GHR: variants seen among roughly 807,000 people sequenced by gnomAD.
GHR encodes GH receptor.
A neutral mutation model predicts 67.1 loss-of-function variants in GHR; 35 were observed. That is an observed-to-expected ratio of 0.52 (90% confidence interval 0.40 to 0.69). The LOEUF is 0.69. GHR is among the 30% of genes least tolerant of loss of function. GHR has a pLI of 0.00. For synonymous variants in GHR, 272 were observed against 269.1 expected (o/e 1.01, Z -0.10); for missense variants, 792 against 764.6 (o/e 1.04, Z -0.42).
At chr5:42,539,565 G>C (rs1274982340) in intron 1 of GHR, among the ~76,000 whole-genome samples, 1 of 152,126 alleles carries the variant, frequency 6.6e-6, no homozygotes, top group African/African-American at 2.4e-5. Context: ...CAGTATTTGG[G>C]GTGTCTCCTG....
At chr5:42,672,943 G>C (rs546457557) in intron 3 of GHR, among the ~76,000 whole-genome samples, 1 of 152,230 alleles carries the variant, frequency 6.6e-6, no homozygotes, top group South Asian at 2.1e-4. Flanking sequence ...GAAGCTCTTA[G>C]TTTAAGAAAA....
chr5:42,481,079 C>A (rs1579788352), intron 1 of GHR, among the ~76,000 whole-genome samples: 1 of 152,056 alleles, frequency 6.6e-6, no homozygotes, highest in East Asian at 1.9e-4. Flanking sequence ...TTAGGGCAGG[C>A]CTGGTGGTGA....
At chr5:42,597,089 G>A (rs1752108523) in intron 2 of GHR, among the ~76,000 whole-genome samples, 1 of 152,138 alleles carries the variant, frequency 6.6e-6, no homozygotes, top group Admixed American at 6.5e-5. Context: ...GTTTAACAGT[G>A]GTGGGTGGAA....
intron 6 of GHR, among the ~76,000 whole-genome samples, chr5:42,710,154 A>G (rs911769051): frequency 6.6e-6 from 1 of 152,190 alleles, no homozygotes; most frequent in African/African-American, 2.4e-5. Flanking sequence ...AGAGGCTTCT[A>G]TAAAAAATAC....
intron 1 of GHR, among the ~76,000 whole-genome samples, chr5:42,559,975 A>G (rs1350077504): frequency 6.6e-6 from 1 of 152,192 alleles, no homozygotes; most frequent in Non-Finnish European, 1.5e-5. Flanking sequence ...GAGATCAACT[A>G]GATATAATTT....
chr5:42,566,016 T>C (rs1477333313), intron 2 of GHR, 72 bp downstream of exon 2: 8 of 1,534,798 alleles, frequency 5.2e-6, no homozygotes, highest in African/African-American at 1.4e-5. Context: ...TACATCCAAG[T>C]TTTTTGGATG....
intron 3 of GHR, among the ~76,000 whole-genome samples, chr5:42,656,842 C>A (rs6864999): frequency 0.66 from 100,173 of 151,968 alleles, 34,292 homozygotes; most frequent in East Asian, 0.82. Flanking sequence ...GACTATATAT[C>A]TAGCTACTTA....
At position 42,446,928 on chromosome 5, in the gene GHR, T is replaced by G. The variant is rs542134343; in HGVS notation, c.-12+22973T>G. Among the ~76,000 whole-genome samples the G allele has an allele frequency of 4.6e-5, 7 of 152,334 alleles. No homozygotes were observed. The South Asian group carries it at 8.3e-4, about 18-fold the overall frequency. On this transcript the variant is annotated intron_variant, in intron 1 of 9. Coordinates refer to ENST00000230882, the MANE Select transcript of GHR (RefSeq NM_000163.5). ...ATATTTAAGCTATGATTATTAGTGT[T>G]GGCAAGGGTTCAGCTCCAGGGAAAA...
At chr5:42,551,361 T>A (rs1036649644) in intron 1 of GHR, among the ~76,000 whole-genome samples, 1 of 152,182 alleles carries the variant, frequency 6.6e-6, no homozygotes, top group African/African-American at 2.4e-5. Context: ...CTGGAAGGCT[T>A]CATGGACGTG....
At chr5:42,511,769 C>A (rs1747028420) in intron 1 of GHR, among the ~76,000 whole-genome samples, 3 of 152,072 alleles carry the variant, frequency 2.0e-5, no homozygotes, top group Non-Finnish European at 4.4e-5. Flanking sequence ...TAGGATGCAT[C>A]AGAGTTTCAT....
chr5:42,720,465 T>C lies in GHR; in HGVS notation c.*1041T>C, dbSNP rs776367930. The C allele has an allele frequency of 6.6e-6, 1 of 152,210 alleles. No homozygotes were observed. Among genetic ancestry groups the C allele is most frequent in the Non-Finnish European group, 1.5e-5 (1 of 68,046 alleles). 9.4% of individuals were successfully genotyped at this position (152,210 alleles called of 1,614,324 possible). A position where few individuals can be genotyped will look rare whatever the true frequency, so the allele number is the denominator to read the frequency against. On this transcript the variant is annotated 3_prime_UTR_variant, in exon 10 of 10. Transcript: ENST00000230882. ...TGCAGATGGTGAGAGATAAGATCTA[T>C]AGCCTCTGCAGCGGAATCTGTTCAC...
chr5:42,462,291 C>A (rs1273697653), intron 1 of GHR, among the ~76,000 whole-genome samples: 1 of 152,186 alleles, frequency 6.6e-6, no homozygotes, highest in Non-Finnish European at 1.5e-5. Context: ...TCAGCACAGA[C>A]TCTCTGTGAG....
At position 42,699,962 on chromosome 5, in the gene GHR, A is replaced by G; in HGVS notation, c.578A>G (p.Glu193Gly). The G allele has an allele frequency of 5.6e-6, 9 of 1,603,262 alleles. No homozygotes were observed. The highest frequency in any genetic ancestry group is 7.7e-6 in the Non-Finnish European group (9 of 1,170,220). The change falls in exon 6 of 10, where the codon GAA (glutamate) becomes GGA (glycine). Residue 193 changes from glutamate (E) to glycine (G), a missense_variant. Transcript: ENST00000230882. Reference sequence around the variant, plus strand: ...AAAGGATGGATGGTTCTGGAGTATGAACTTCAATACAAAGAAGTAAATGAA... The same window carrying G: ...AAAGGATGGATGGTTCTGGAGTATGGACTTCAATACAAAGAAGTAAATGAA... ...IQKGWMVLEY[E>G]LQYKEVNETK...
chr5:42,536,523 C>T (rs1464160585), intron 1 of GHR, among the ~76,000 whole-genome samples: 1 of 152,108 alleles, frequency 6.6e-6, no homozygotes, highest in African/African-American at 2.4e-5. Flanking sequence ...CCCACTTGGT[C>T]ATGGTGGATT....
At chr5:42,477,705 C>T (rs982600010) in intron 1 of GHR, among the ~76,000 whole-genome samples, 12 of 152,132 alleles carry the variant, frequency 7.9e-5, no homozygotes, top group African/African-American at 2.4e-4. Context: ...CTGTTCATAT[C>T]CCTCACCCAC....
At chr5:42,467,736 G>A (rs1423322056) in intron 1 of GHR, 15 of 1,559,634 alleles carry the variant, frequency 9.6e-6, no homozygotes, top group Admixed American at 3.4e-5. Context: ...TCTCCCCGGT[G>A]TGGATTCTCT....
At chr5:42,601,855 T>C (rs1427021881) in intron 2 of GHR, among the ~76,000 whole-genome samples, 1 of 152,100 alleles carries the variant, frequency 6.6e-6, no homozygotes, top group East Asian at 1.9e-4. Flanking sequence ...GAAAAACTTA[T>C]TGTGTATCAA....
chr5:42,530,708 A>G (rs1418669620), intron 1 of GHR, among the ~76,000 whole-genome samples: 1 of 152,142 alleles, frequency 6.6e-6, no homozygotes, highest in East Asian at 1.9e-4. Flanking sequence ...AAGGTGTGCC[A>G]GTTTTGCACA....
chr5:42,683,328 C>A (rs975950844), intron 3 of GHR, among the ~76,000 whole-genome samples: 6 of 152,130 alleles, frequency 3.9e-5, no homozygotes, highest in African/African-American at 1.4e-4. Flanking sequence ...ATACTGAGGG[C>A]CTCTACTTCT....
Sources: gnomAD v4.1 joint callset for allele counts (sites outside exome capture counted in the v4.1 genomes callset) on GRCh38, gnomAD v4.1.1 for gene constraint, MANE v1.5 for transcripts, NCBI Gene and HGNC (gene_info 2026-07-23, HGNC 2026-07-21) for gene names.